Variants in DTWD1 observed in about 807,000 individuals in gnomAD.
DTWD1 encodes the protein DTW motif tRNA-uridine aminocarboxypropyltransferase 1.
A neutral mutation model predicts 30.2 loss-of-function variants in DTWD1; 27 were observed. The ratio of observed to expected loss-of-function variants is 0.90; its 90% CI spans 0.66 to 1.23. The LOEUF (loss-of-function observed/expected upper bound fraction) is 1.23, where lower values mean the gene tolerates loss of function less well. DTWD1 is among the 50% of genes most tolerant of loss of function. The pLI is 0.00. For synonymous variants in DTWD1, 99 were observed against 113.1 expected (o/e 0.88, Z 0.79); for missense variants, 342 against 348.8 (o/e 0.98, Z 0.15).
intron 4 of DTWD1, among the ~76,000 whole-genome samples, chr15:49,638,210 G>C (rs946332115): frequency 1.3e-5 from 2 of 152,146 alleles, no homozygotes; most frequent in East Asian, 3.9e-4. Flanking sequence ...AAAAACCCTT[G>C]ACAAAACTAT....
At position 49,634,652 on chromosome 15, in the gene DTWD1, T is replaced by C. The variant is rs2078976877; in HGVS notation, c.525T>C (p.Ser175=). Residue 175 remains serine (S), a synonymous_variant, in exon 4 of 5, where the codon TCT becomes TCC. Coordinates refer to ENST00000403028, the MANE Select transcript of DTWD1 (RefSeq NM_001144955.2). ...AAAATGATGACCCTGACAAGCCATC[T>C]TTTAAACGCAAAAGAACTGAAGAAC... ...RGKNDDPDKP[S]FKRKRTEEQE... is the part of the protein sequence containing the mutation. The C allele has an allele frequency of 6.2e-7, 1 of 1,613,740 alleles. No individual in the cohort carries two copies. Among genetic ancestry groups the C allele is most frequent in the African/African-American group, 1.3e-5 (1 of 74,942 alleles).
In DTWD1 at chr15:49,643,341, A is replaced by C. The variant is rs746454384; in HGVS notation, c.678A>C (p.Gln226His). 4 of 1,521,562 alleles carry C rather than the reference A, an allele frequency of 2.6e-6. No homozygotes were observed. In the African/African-American group the frequency reaches 5.9e-5, roughly 23 times the overall value. The allele number at this position is 1,521,562 out of a possible 1,614,324, so 94.3% of individuals were successfully genotyped here. Residue 226 changes from glutamine (Q) to histidine (H), a missense_variant, in exon 5 of 5, where the codon CAA becomes CAC. Gln to His is a conservative substitution (Grantham distance 24). Transcript: ENST00000403028. ...TTTTTTTTTTGACAGGGTTGTTACAAGTTGAGTTGAAAACAAGAAAAACTT... is the reference window on the plus strand; with the variant it reads ...TTTTTTTTTTGACAGGGTTGTTACACGTTGAGTTGAAAACAAGAAAAACTT... Reference protein sequence around the residue: ...FTDERLQGLLQVELKTRKTCF... With the variant: ...FTDERLQGLLHVELKTRKTCF...
intron 3 of DTWD1, among the ~76,000 whole-genome samples, chr15:49,633,055 A>ATATATATATATC (rs1414746425): frequency 1.4e-5 from 2 of 139,718 alleles, no homozygotes; most frequent in East Asian, 2.0e-4. Context: ...ATATCTATAT[A>ATATATATATATC]TATATATATA....
At chr15:49,625,637 C>G (rs533906347) in intron 2 of DTWD1, 1 of 535,030 alleles carries the variant, frequency 1.9e-6, no homozygotes. Context: ...TGCGCCTGAT[C>G]GCAAGAGCAC....
intron 4 of DTWD1, among the ~76,000 whole-genome samples, chr15:49,637,160 C>T (rs1411104671): frequency 6.6e-6 from 1 of 151,948 alleles, no homozygotes; most frequent in East Asian, 1.9e-4. Context: ...TTTCTCTTTC[C>T]ACCCCTTTTT....
chr15:49,631,234 T>A (rs1754824417), intron 2 of DTWD1, among the ~76,000 whole-genome samples: 1 of 152,130 alleles, frequency 6.6e-6, no homozygotes, highest in African/African-American at 2.4e-5. Context: ...TGGGGAGTAG[T>A]TAGGCAAGAT....
At position 49,646,827 on chromosome 15, in the gene DTWD1, C is replaced by G. The variant is rs939421625; in HGVS notation, c.*3249C>G. The G allele has an allele frequency of 6.6e-6, 1 of 152,210 alleles. No homozygotes were observed. The highest frequency in any genetic ancestry group is 2.4e-5 in the African/African-American group (1 of 41,448). The allele number at this position is 152,210 out of a possible 1,614,324, so 9.4% of individuals were successfully genotyped here. On this transcript the variant is annotated 3_prime_UTR_variant, in exon 5 of 5. Transcript: ENST00000403028. ...CTCCCATTATTGCCAGCCTCACTTC[C>G]TTTCTTCCTCGCTCTTACCAGCCTG...
intron 3 of DTWD1, chr15:49,633,605 G>A (rs950315229): frequency 7.0e-6 from 2 of 286,944 alleles, no homozygotes; most frequent in Non-Finnish European, 6.9e-6. Flanking sequence ...AAAGTGCCGG[G>A]ATTACAGGTA....
At position 49,622,769 on chromosome 15, in the gene DTWD1, G is replaced by T. The variant is rs1160662391; in HGVS notation, c.-56+1647G>T. ...GTAGTTTCAGAGACCACTGGAGGGAGCTGCCCATGATTTACAATTGCTGGC... is the reference window on the plus strand; with the variant it reads ...GTAGTTTCAGAGACCACTGGAGGGATCTGCCCATGATTTACAATTGCTGGC... On this transcript the variant is annotated intron_variant, in intron 1 of 4. Coordinates refer to ENST00000403028, the MANE Select transcript of DTWD1 (RefSeq NM_001144955.2). Among the ~76,000 whole-genome samples the T allele has an allele frequency of 2.0e-5, 3 of 152,168 alleles. No individual in the cohort carries two copies. In the East Asian group the frequency reaches 5.8e-4, roughly 29 times the overall value.
rs1215290656 is a variant in DTWD1, at chr15:49,639,805, T to G, written c.668-3526T>G. Among the ~76,000 whole-genome samples the G allele has an allele frequency of 2.0e-5, 3 of 152,166 alleles. 1 individual carries two copies. The highest frequency in any genetic ancestry group is 7.2e-5 in the African/African-American group (3 of 41,450). On this transcript the variant is annotated intron_variant, in intron 4 of 4. Coordinates refer to ENST00000403028, the MANE Select transcript of DTWD1 (RefSeq NM_001144955.2). Reference sequence around the variant, plus strand: ...AGTGCTGTGGCATCATTAAAAAATTTTTAAGCTTGTCATTGACATGATTAG... The same window carrying G: ...AGTGCTGTGGCATCATTAAAAAATTGTTAAGCTTGTCATTGACATGATTAG...
chr15:49,631,001 A>G (rs954002941), intron 2 of DTWD1: 7 of 444,948 alleles, frequency 1.6e-5, no homozygotes, highest in Non-Finnish European at 2.3e-5. Context: ...CATGTCCTAG[A>G]TGGGACCATC....
chr15:49,621,575 T>C (rs2078712253), intron 1 of DTWD1, among the ~76,000 whole-genome samples: 1 of 152,144 alleles, frequency 6.6e-6, no homozygotes. Flanking sequence ...TGTGGTTACA[T>C]AATAAGCAAA....
In DTWD1 at chr15:49,655,457, TC is replaced by T. The variant is rs1186435469; in HGVS notation, c.*11881del. ...TTTCATACTCCCGTGTTTTTTTTAG[TC>T]CATGCTGGTGGTATCCTCATCAATG... is the stretch of plus-strand genomic sequence containing the variant. On this transcript the variant is annotated 3_prime_UTR_variant, in exon 5 of 5. Coordinates refer to ENST00000403028, the MANE Select transcript of DTWD1 (RefSeq NM_001144955.2). 6.6e-6 allele frequency: 1 copy of T among 151,980 alleles called. No homozygotes were observed. Among genetic ancestry groups the T allele is most frequent in the East Asian group, 1.9e-4 (1 of 5,156 alleles). The allele number at this position is 151,980 out of a possible 1,614,324, so 9.4% of individuals were successfully genotyped here.
Position 49,655,718 on chromosome 15 carries a change from A to T in DTWD1, c.*12140A>T, listed in dbSNP as rs2079173612. On this transcript the variant is annotated 3_prime_UTR_variant, in exon 5 of 5. Coordinates refer to ENST00000403028, the MANE Select transcript of DTWD1 (RefSeq NM_001144955.2). ...CCTTTGATTTTATTATCACTCTGGG[A>T]CCACGTTTTACTGTTGGCACGTTCG... 1.3e-5 allele frequency: 2 copies of T among 151,916 alleles called. No individual in the cohort carries two copies. The highest frequency in any genetic ancestry group is 4.8e-5 in the African/African-American group (2 of 41,388). 9.4% of individuals were successfully genotyped at this position (151,916 alleles called of 1,614,324 possible).
intron 2 of DTWD1, among the ~76,000 whole-genome samples, chr15:49,631,672 G>A (rs555935956): frequency 5.3e-5 from 8 of 152,218 alleles, no homozygotes; most frequent in Admixed American, 2.0e-4. Flanking sequence ...GGCTGGGGCA[G>A]AATTGCTTAA....
rs1385197392 is a variant in DTWD1, at chr15:49,625,430, A to G, written c.263A>G (p.Lys88Arg). ...CCTATTGAACAGATTCCACTTGTGA[A>G]GGTTAGTAAGAAATTTAATTGTTTG... Reference protein sequence around the residue: ...NVPIEQIPLVKLPLKIDIIKH... With the variant: ...NVPIEQIPLVRLPLKIDIIKH... Residue 88 changes from lysine (K) to arginine (R), a missense_variant and splice_region_variant, in exon 2 of 5, where the codon AAG becomes AGG. Physicochemically the swap from Lys to Arg is conservative, Grantham distance 26 (BLOSUM62 2). Transcript: ENST00000403028. The G allele has an allele frequency of 6.2e-7, 1 of 1,604,590 alleles. No homozygotes were observed. The highest frequency in any genetic ancestry group is 1.1e-5 in the South Asian group (1 of 89,192).
intron 2 of DTWD1, 151 bp from the exon 3 acceptor site, chr15:49,632,008 C>T: frequency 2.5e-6 from 2 of 807,696 alleles, no homozygotes; most frequent in African/African-American, 1.7e-5. Flanking sequence ...GTAACAATCA[C>T]CATTCTTAAT....
intron 4 of DTWD1, among the ~76,000 whole-genome samples, chr15:49,636,188 C>T (rs2079000125): frequency 6.6e-6 from 1 of 152,062 alleles, no homozygotes; most frequent in Non-Finnish European, 1.5e-5. Context: ...ATAGGTCATA[C>T]ATTTATTGCC....
intron 4 of DTWD1, among the ~76,000 whole-genome samples, chr15:49,635,492 T>A (rs1411025434): frequency 6.6e-6 from 1 of 152,044 alleles, no homozygotes; most frequent in Admixed American, 6.6e-5. Flanking sequence ...GTTGTTCTTG[T>A]TGTTGTTTGT....
Sources: gnomAD v4.1 joint callset for allele counts (sites outside exome capture counted in the v4.1 genomes callset) on GRCh38, gnomAD v4.1.1 for gene constraint, MANE v1.5 for transcripts, NCBI Gene and HGNC (gene_info 2026-07-23, HGNC 2026-07-21) for gene names.